AATF: variants seen among roughly 807,000 people sequenced by gnomAD.
The protein encoded by AATF is protein AATF.
A neutral mutation model predicts 63.7 loss-of-function variants in AATF; 48 were observed. The observed-to-expected ratio is 0.75, with a 90% CI of 0.60 to 0.96. AATF has a LOEUF of 0.96. AATF is among the 40% of genes least tolerant of loss of function. The pLI, the probability that AATF is intolerant of heterozygous loss-of-function variation, is 0.00. For missense variants in AATF, 639 were observed against 685.7 expected, an observed-to-expected ratio of 0.93 and a Z score of 0.76; for synonymous variants, 258 against 247.7, an observed-to-expected ratio of 1.04 and a Z score of -0.39.
At position 37,031,613 on chromosome 17, in the gene AATF, G is replaced by A; in HGVS notation, c.1548-1G>A. 1 of 1,613,808 alleles carries A rather than the reference G, an allele frequency of 6.2e-7. No individual in the cohort carries two copies. The highest frequency in any genetic ancestry group is 8.5e-7 in the Non-Finnish European group (1 of 1,179,724). Reference sequence around the variant, plus strand: ...TGCCTGTTGCTTCCTGCTTTATTTAGGTTTCATGTCCTTAGCAAGCTACTG... The same window carrying A: ...TGCCTGTTGCTTCCTGCTTTATTTAAGTTTCATGTCCTTAGCAAGCTACTG... On this transcript the variant is annotated splice_acceptor_variant, in intron 10 of 11. Transcript: ENST00000619387. LOFTEE classifies it high-confidence loss of function.
chr17:36,957,959 C>A (rs2070915401), intron 4 of AATF, among the ~76,000 whole-genome samples: 1 of 152,112 alleles, frequency 6.6e-6, no homozygotes, highest in African/African-American at 2.4e-5. Context: ...CACACACCAC[C>A]CCAAACACGT....
At chr17:36,951,739 G>T (rs2070856930) in intron 2 of AATF, among the ~76,000 whole-genome samples, 1 of 152,122 alleles carries the variant, frequency 6.6e-6, no homozygotes, top group South Asian at 2.1e-4. Context: ...TACATTCAAA[G>T]AATTTAAATA....
chr17:36,988,171 G>C (rs1390405104), intron 5 of AATF, among the ~76,000 whole-genome samples: 1 of 152,070 alleles, frequency 6.6e-6, no homozygotes, highest in African/African-American at 2.4e-5. Flanking sequence ...AAAAAAATTA[G>C]TCGGGCATGG....
At chr17:36,962,919 C>T (rs943534910) in intron 4 of AATF, among the ~76,000 whole-genome samples, 4 of 152,022 alleles carry the variant, frequency 2.6e-5, no homozygotes, top group Admixed American at 2.0e-4. Context: ...GTCAGGTGTT[C>T]GAGACCAGTT....
At chr17:36,969,318 T>C (rs889396378) in intron 4 of AATF, among the ~76,000 whole-genome samples, 1 of 152,202 alleles carries the variant, frequency 6.6e-6, no homozygotes. Context: ...GTCTGTAAAC[T>C]TCAGCTTAGT....
intron 11 of AATF, among the ~76,000 whole-genome samples, chr17:37,049,182 AC>A (rs1160736925): frequency 6.6e-6 from 1 of 152,202 alleles, no homozygotes; most frequent in African/African-American, 2.4e-5. Context: ...ACCAACTCTG[AC>A]AGCACCTTCC....
intron 10 of AATF, among the ~76,000 whole-genome samples, chr17:37,029,889 G>A (rs2071539435): frequency 6.6e-6 from 1 of 152,030 alleles, no homozygotes; most frequent in South Asian, 2.1e-4. Context: ...TTTTTGTAGA[G>A]ACGGGGTCTT....
intron 10 of AATF, among the ~76,000 whole-genome samples, chr17:37,029,053 G>T (rs2071532354): frequency 6.6e-6 from 1 of 151,816 alleles, no homozygotes; most frequent in Non-Finnish European, 1.5e-5. Flanking sequence ...TTGTTTTTTA[G>T]ATAAGCTCAT....
At chr17:36,968,220 A>T (rs1345195226) in intron 4 of AATF, among the ~76,000 whole-genome samples, 1 of 134,928 alleles carries the variant, frequency 7.4e-6, no homozygotes, top group Non-Finnish European at 1.6e-5. Flanking sequence ...TTGAGTTTTT[A>T]AAATTTTCTT....
chr17:36,967,713 T>G (rs2071002357), intron 4 of AATF, among the ~76,000 whole-genome samples: 1 of 152,204 alleles, frequency 6.6e-6, no homozygotes, highest in South Asian at 2.1e-4. Context: ...GGAGGTAAAT[T>G]TTTTTAGACT....
chr17:37,021,364 C>A (rs1267534036), intron 10 of AATF, among the ~76,000 whole-genome samples: 1 of 152,156 alleles, frequency 6.6e-6, no homozygotes, highest in East Asian at 1.9e-4. Context: ...CGTGGTGGCT[C>A]ACGCCTGTAC....
chr17:36,958,776 A>C (rs1362881681), intron 4 of AATF, among the ~76,000 whole-genome samples: 1 of 152,206 alleles, frequency 6.6e-6, no homozygotes, highest in African/African-American at 2.4e-5. Context: ...AATTTTCAGC[A>C]TGTATGTTCA....
intron 8 of AATF, among the ~76,000 whole-genome samples, chr17:37,013,122 A>G (rs2071404308): frequency 6.6e-6 from 1 of 152,212 alleles, no homozygotes; most frequent in East Asian, 1.9e-4. Context: ...CAGCTCAATA[A>G]CAAAAAGACA....
At chr17:37,050,476 A>G (rs1379960476) in intron 11 of AATF, among the ~76,000 whole-genome samples, 1 of 152,244 alleles carries the variant, frequency 6.6e-6, no homozygotes, top group Admixed American at 6.5e-5. Context: ...AATTGTTTTC[A>G]AAGACAAACG....
chr17:36,975,093 A>T (rs2071069984), intron 4 of AATF, among the ~76,000 whole-genome samples: 1 of 152,210 alleles, frequency 6.6e-6, no homozygotes, highest in African/African-American at 2.4e-5. Context: ...TTGTGAAAGT[A>T]TTATTTTTCC....
At chr17:37,017,704 G>GA (rs1359860455) in intron 8 of AATF, among the ~76,000 whole-genome samples, 2 of 152,022 alleles carry the variant, frequency 1.3e-5, no homozygotes, top group Admixed American at 6.6e-5. Context: ...ATAAGCAAAT[G>GA]AAAAAACATC....
At chr17:36,989,931 T>C (rs2071200347) in intron 7 of AATF, among the ~76,000 whole-genome samples, 1 of 152,034 alleles carries the variant, frequency 6.6e-6, no homozygotes, top group Admixed American at 6.5e-5. Flanking sequence ...ACTCCTGAGG[T>C]GAAATTTTTT....
intron 11 of AATF, among the ~76,000 whole-genome samples, chr17:37,043,765 C>T (rs1438388175): frequency 6.6e-6 from 1 of 152,174 alleles, no homozygotes; most frequent in African/African-American, 2.4e-5. Context: ...TATGCCCTCG[C>T]TCGTATGCAG....
chr17:37,041,197 CTT>C (rs1173952271), intron 11 of AATF, among the ~76,000 whole-genome samples: 1 of 152,182 alleles, frequency 6.6e-6, no homozygotes, highest in East Asian at 1.9e-4. Context: ...TTCAGATTAA[CTT>C]ATAAGCATTT....
Sources: allele counts gnomAD v4.1 joint callset (sites outside exome capture counted in the v4.1 genomes callset), GRCh38; gene constraint gnomAD v4.1.1; transcripts MANE v1.5; gene names NCBI Gene and HGNC (gene_info 2026-07-23, HGNC 2026-07-21).